NEIL3: variants seen among roughly 807,000 people sequenced by gnomAD.
NEIL3 encodes the protein endonuclease 8-like 3.
NEIL3 carries 48 observed loss-of-function variants against 57.5 expected under a neutral mutation model. The ratio of observed to expected loss-of-function variants is 0.83; its 90% confidence interval spans 0.66 to 1.06. The LOEUF is 1.06. Ranked by LOEUF, NEIL3 falls within the 50% of genes least tolerant of loss-of-function variation. NEIL3 has a pLI of 0.00. For missense variants in NEIL3, 717 were observed against 739.1 expected (o/e 0.97, Z 0.35); for synonymous variants, 261 against 253.2 (o/e 1.03, Z -0.29).
chr4:177,352,913 T>C (rs1407886937), intron 7 of NEIL3, among the ~76,000 whole-genome samples: 2 of 152,192 alleles, frequency 1.3e-5, no homozygotes, highest in African/African-American at 4.8e-5. Flanking sequence ...TTGTCATTCC[T>C]AGTAGTCTAG....
At chr4:177,366,679 G>A (rs1457700502), downstream of NEIL3, among the ~76,000 whole-genome samples, 5 of 152,188 alleles carry the variant, frequency 3.3e-5, no homozygotes, top group East Asian at 7.7e-4. Flanking sequence ...GATTACAGGC[G>A]TGAGCCACCG....
intron 1 of NEIL3, among the ~76,000 whole-genome samples, chr4:177,310,944 G>T (rs997164518): frequency 6.6e-6 from 1 of 152,202 alleles, no homozygotes; most frequent in Non-Finnish European, 1.5e-5. Context: ...CAACTTGAAA[G>T]AAATGAGGTT....
At chr4:177,331,719 T>A (rs1239743391) in intron 2 of NEIL3, among the ~76,000 whole-genome samples, 2 of 152,198 alleles carry the variant, frequency 1.3e-5, no homozygotes, top group African/African-American at 4.8e-5. Context: ...TATAGACATA[T>A]AAGAGCTAAA....
At chr4:177,317,597 CTTTTTT>C (rs745358876) in intron 1 of NEIL3, among the ~76,000 whole-genome samples, 5 of 70,060 alleles carry the variant, frequency 7.1e-5, no homozygotes, top group South Asian at 5.5e-4. Context: ...ACTTTCTTTT[CTTTTTT>C]TTTTTTTTTT....
At chr4:177,311,819 C>G (rs370893264) in intron 1 of NEIL3, among the ~76,000 whole-genome samples, 56 of 151,968 alleles carry the variant, frequency 3.7e-4, no homozygotes, top group African/African-American at 1.2e-3. Context: ...ATCCAGGTGA[C>G]AAATTTGGGG....
chr4:177,345,150 G>T (rs974560634), intron 6 of NEIL3, among the ~76,000 whole-genome samples: 1 of 152,152 alleles, frequency 6.6e-6, no homozygotes, highest in East Asian at 1.9e-4. Flanking sequence ...TATCCTACTG[G>T]CAATGGAAGT....
At chr4:177,340,015 T>G (rs1328640004) in intron 5 of NEIL3, among the ~76,000 whole-genome samples, 158 bp downstream of exon 5, 2 of 152,220 alleles carry the variant, frequency 1.3e-5, no homozygotes, top group Non-Finnish European at 2.9e-5. Flanking sequence ...ATTAACATCT[T>G]GAAATTCTAG....
chr4:177,324,987 A>AGAT (rs1553986960), intron 2 of NEIL3, among the ~76,000 whole-genome samples: 4 of 152,040 alleles, frequency 2.6e-5, no homozygotes, highest in African/African-American at 9.7e-5. Context: ...ATAGATAGAT[A>AGAT]AGTAAATATA....
intron 6 of NEIL3, among the ~76,000 whole-genome samples, chr4:177,348,002 G>C (rs191989971): frequency 5.9e-5 from 9 of 152,232 alleles, no homozygotes; most frequent in African/African-American, 2.2e-4. Flanking sequence ...ACGGCTAGAT[G>C]AGAAAACTTT....
At chr4:177,323,156 A>G (rs1317118398) in intron 2 of NEIL3, among the ~76,000 whole-genome samples, 1 of 152,204 alleles carries the variant, frequency 6.6e-6, no homozygotes, top group Admixed American at 6.5e-5. Context: ...ATGATAAAAA[A>G]GTCAAAATAT....
the NEIL3 span, among the ~76,000 whole-genome samples, chr4:177,370,374 G>A: frequency 4.1e-3 from 620 of 152,244 alleles, 8 homozygotes; most frequent in African/African-American, 0.014. Flanking sequence ...ACTATATAGT[G>A]TTTCTGGAGG....
chr4:177,338,101 A>G (rs1047679830), intron 4 of NEIL3, among the ~76,000 whole-genome samples: 8 of 152,204 alleles, frequency 5.3e-5, no homozygotes, highest in African/African-American at 1.9e-4. Context: ...CAATTACTGA[A>G]AAAGTACAGT....
chr4:177,342,865 A>AG (rs1480401130), intron 6 of NEIL3: 2 of 152,266 alleles, frequency 1.3e-5, no homozygotes, highest in Non-Finnish European at 2.9e-5. Context: ...CTAGTTTTAC[A>AG]GGGAGAGTGG....
In NEIL3 at chr4:177,322,586, A is replaced by G. The variant is rs372589453; in HGVS notation, c.278+6A>G. 2 of 1,613,692 alleles carry G rather than the reference A, an allele frequency of 1.2e-6. No homozygotes were observed. The highest frequency in any genetic ancestry group is 1.7e-6 in the Non-Finnish European group (2 of 1,179,716). On this transcript the variant is annotated splice_donor_region_variant and intron_variant, in intron 2 of 9. Coordinates refer to ENST00000264596, the MANE Select transcript of NEIL3 (RefSeq NM_018248.3). ...TTTGGACCAAAAGCTTTACGGTAAG[A>G]TAAGCCTGTACGATACATCTTATCT...
At chr4:177,348,937 G>T (rs1008108729) in intron 6 of NEIL3, among the ~76,000 whole-genome samples, 4 of 139,106 alleles carry the variant, frequency 2.9e-5, no homozygotes, top group Non-Finnish European at 4.6e-5. Context: ...GCGTGATCTG[G>T]GCTCACTTCA....
At chr4:177,311,798 C>T (rs1033203350) in intron 1 of NEIL3, among the ~76,000 whole-genome samples, 2 of 151,640 alleles carry the variant, frequency 1.3e-5, no homozygotes, top group African/African-American at 2.4e-5. Flanking sequence ...ATTTAGGAGT[C>T]GACTGCAGAA....
chr4:177,351,340 G>T, intron 6 of NEIL3, 40 bp from the exon 7 acceptor site: 1 of 1,392,702 alleles, frequency 7.2e-7, no homozygotes, highest in South Asian at 1.2e-5. Flanking sequence ...CAAGAACAAG[G>T]CAATAATAAC....
At chr4:177,349,410 C>A (rs1280836860) in intron 6 of NEIL3, among the ~76,000 whole-genome samples, 1 of 152,070 alleles carries the variant, frequency 6.6e-6, no homozygotes, top group Admixed American at 6.5e-5. Context: ...GTGCTGCCAG[C>A]GTTCTTTCAT....
Position 177,362,359 on chromosome 4 carries a change from G to A in NEIL3, c.1706G>A (p.Gly569Glu). 2 of 1,613,284 alleles carry A rather than the reference G, an allele frequency of 1.2e-6. No homozygotes were observed. The highest frequency in any genetic ancestry group is 8.5e-7 in the Non-Finnish European group (1 of 1,179,636). The change falls in exon 10 of 10, where the codon GGA (glycine) becomes GAA (glutamate). Residue 569 changes from glycine to glutamate, a missense_variant. Transcript: ENST00000264596. ...ACCATGAAAACAGTATTGAAGATTG[G>A]ACCTAACAATGGAAAGAATTTTTTT... ...RSTMKTVLKIGPNNGKNFFVC... is the reference protein window; with the variant it reads ...RSTMKTVLKIEPNNGKNFFVC...
Sources: allele counts gnomAD v4.1 joint callset (sites outside exome capture counted in the v4.1 genomes callset), GRCh38; gene constraint gnomAD v4.1.1; transcripts MANE v1.5; gene names NCBI Gene and HGNC (gene_info 2026-07-23, HGNC 2026-07-21).